Variants in SLC12A1 observed in about 807,000 individuals in gnomAD.
SLC12A1 encodes the protein Na-K-2Cl cotransporter.
In SLC12A1, 89 loss-of-function variants were observed where a neutral mutation model predicts 130.4. The observed-to-expected ratio is 0.68, with a 90% CI of 0.58 to 0.81. SLC12A1 has a LOEUF of 0.81. Among genes scored for constraint, SLC12A1 ranks in the 40% least tolerant of loss-of-function variants. The pLI, the probability that SLC12A1 is intolerant of heterozygous loss-of-function variation, is 0.00. For missense variants in SLC12A1, 1,310 were observed against 1,336.4 expected (o/e 0.98, Z 0.31); for synonymous variants, 499 against 460.0 (o/e 1.08, Z -1.09).
chr15:48,225,625 T>C (rs1336416689), intron 4 of SLC12A1: 1 of 152,196 alleles, frequency 6.6e-6, no homozygotes, highest in Non-Finnish European at 1.5e-5. Flanking sequence ...GGCTTTGTTT[T>C]GTACAACTTA....
At chr15:48,271,530 G>A (rs573145753) in intron 19 of SLC12A1, among the ~76,000 whole-genome samples, 1 of 123,406 alleles carries the variant, frequency 8.1e-6, no homozygotes, top group African/African-American at 3.9e-5. Context: ...TTATATTTAT[G>A]CAACATATTA....
intron 17 of SLC12A1, among the ~76,000 whole-genome samples, chr15:48,266,111 G>A (rs1305191851): frequency 6.6e-6 from 1 of 152,072 alleles, no homozygotes; most frequent in East Asian, 1.9e-4. Context: ...TATCATATTG[G>A]GCAGTGATGA....
At chr15:48,237,240 A>G (rs1216197693) in intron 9 of SLC12A1, 4 of 538,688 alleles carry the variant, frequency 7.4e-6, no homozygotes, top group Non-Finnish European at 1.3e-5. Context: ...AACAGAAGGA[A>G]TGGGATGTAA....
At chr15:48,212,376 TTC>T (rs1397743396) in intron 2 of SLC12A1, among the ~76,000 whole-genome samples, 5 of 152,146 alleles carry the variant, frequency 3.3e-5, no homozygotes, top group South Asian at 4.1e-4. Context: ...CAATCTAACT[TTC>T]TGTTTATATT....
At position 48,251,682 on chromosome 15, in the gene SLC12A1, A is replaced by C; in HGVS notation, c.1854A>C (p.Ala618=). The change falls in exon 15 of 27, where the codon GCA becomes GCC. Residue 618 remains alanine, a synonymous_variant. Transcript: ENST00000380993. The part of the protein sequence containing the change: ...VSLFGAVLCC[A]VMFVINWWAA... ...TTTTTGGAGCTGTTTTGTGCTGTGCAGTCATGTTTGTCATCAACTGGTGGG... is the reference window on the plus strand; with the variant it reads ...TTTTTGGAGCTGTTTTGTGCTGTGCCGTCATGTTTGTCATCAACTGGTGGG... The C allele has an allele frequency of 6.2e-7, 1 of 1,613,600 alleles. No individual in the cohort carries two copies. Among genetic ancestry groups the C allele is most frequent in the Non-Finnish European group, 8.5e-7 (1 of 1,179,540 alleles).
intron 1 of SLC12A1, 47 bp downstream of exon 1, chr15:48,206,377 T>C (rs533714073): frequency 2.0e-4 from 31 of 152,292 alleles, no homozygotes; most frequent in African/African-American, 7.5e-4. Context: ...CTTAATATTA[T>C]GTCATAAAGT....
At chr15:48,235,149 TTCTC>T in intron 9 of SLC12A1, 145 bp downstream of exon 9, 1 of 896,250 alleles carries the variant, frequency 1.1e-6, no homozygotes, top group Non-Finnish European at 1.8e-6. Flanking sequence ...GATTTAAAAG[TTCTC>T]TCTTTTAATG....
chr15:48,299,094 G>C, intron 24 of SLC12A1, 46 bp from the exon 25 acceptor site: 4 of 1,545,246 alleles, frequency 2.6e-6, no homozygotes, highest in Non-Finnish European at 3.5e-6. Context: ...GTGAAATAAT[G>C]AGTTAGTTTC....
In SLC12A1 at chr15:48,267,716, A is replaced by G; in HGVS notation, c.2295+15A>G. On this transcript the variant is annotated intron_variant, in intron 18 of 26. Transcript: ENST00000380993. Reference sequence around the variant, plus strand: ...GTCTTCTTCAGGTAAGGCTGCATTGAGGGAATGAGCACAGAGGCAAAAGAC... The same window carrying G: ...GTCTTCTTCAGGTAAGGCTGCATTGGGGGAATGAGCACAGAGGCAAAAGAC... 1 of 1,612,722 alleles carries G rather than the reference A, an allele frequency of 6.2e-7. No individual in the cohort carries two copies. The highest frequency in any genetic ancestry group is 8.5e-7 in the Non-Finnish European group (1 of 1,179,048).
intron 15 of SLC12A1, among the ~76,000 whole-genome samples, chr15:48,255,411 C>T (rs185259875): frequency 5.7e-4 from 86 of 150,114 alleles, no homozygotes; most frequent in Admixed American, 3.9e-3. Flanking sequence ...GCACTCCAGC[C>T]TGCTGACAGA....
chr15:48,208,987 G>A (rs1365716341), intron 2 of SLC12A1, among the ~76,000 whole-genome samples: 1 of 152,210 alleles, frequency 6.6e-6, no homozygotes, highest in Non-Finnish European at 1.5e-5. Flanking sequence ...TACAGAAGCA[G>A]CAGAAGTGAC....
At chr15:48,212,022 G>A (rs988895047) in intron 2 of SLC12A1, among the ~76,000 whole-genome samples, 3 of 152,070 alleles carry the variant, frequency 2.0e-5, no homozygotes, top group African/African-American at 4.8e-5. Context: ...CTCTCTACAA[G>A]CTATTGTATG....
At chr15:48,260,008 CTGT>C (rs2041752989) in intron 17 of SLC12A1, among the ~76,000 whole-genome samples, 2 of 152,088 alleles carry the variant, frequency 1.3e-5, no homozygotes. Flanking sequence ...TGGCTCATGC[CTGT>C]AATCCCAGCG....
At chr15:48,228,321 T>C (rs1889112302) in intron 5 of SLC12A1, 1 of 153,162 alleles carries the variant, frequency 6.5e-6, no homozygotes, top group South Asian at 2.0e-4. Context: ...GAAGTAATTG[T>C]TCCAGACCCT....
intron 6 of SLC12A1, 111 bp downstream of exon 6, chr15:48,229,439 T>G (rs1327882839): frequency 9.3e-7 from 1 of 1,077,944 alleles, no homozygotes; most frequent in African/African-American, 1.6e-5. Context: ...AAAAGTTAAA[T>G]ATAGTGGAAG....
chr15:48,229,688 C>T (rs575898235), intron 6 of SLC12A1, among the ~76,000 whole-genome samples: 4 of 152,270 alleles, frequency 2.6e-5, no homozygotes, highest in African/African-American at 9.6e-5. Context: ...TTGCTGTCAA[C>T]AGTAGTACTA....
intron 2 of SLC12A1, among the ~76,000 whole-genome samples, chr15:48,216,635 G>A (rs895077572): frequency 1.3e-5 from 2 of 152,046 alleles, no homozygotes; most frequent in African/African-American, 4.8e-5. Context: ...TCTGGCTATG[G>A]GATTTTGATT....
intron 24 of SLC12A1, among the ~76,000 whole-genome samples, chr15:48,294,899 T>TTTTTTTATTTATTTATTTA (rs2042159755): frequency 6.8e-6 from 1 of 147,354 alleles, no homozygotes; most frequent in African/African-American, 2.6e-5. Flanking sequence ...CTTCTTTTTA[T>TTTTTTTATTTATTTATTTA]TTTATTTATT....
At chr15:48,279,114 C>T (rs564237582) in intron 20 of SLC12A1, among the ~76,000 whole-genome samples, 10 of 152,166 alleles carry the variant, frequency 6.6e-5, no homozygotes, top group Admixed American at 6.5e-5. Context: ...ATGAAGAACA[C>T]GCAGAAAAAC....
Sources: allele counts gnomAD v4.1 joint callset (sites outside exome capture counted in the v4.1 genomes callset), GRCh38; gene constraint gnomAD v4.1.1; transcripts MANE v1.5; gene names NCBI Gene and HGNC (gene_info 2026-07-23, HGNC 2026-07-21).